Variants in PCDHGB7 observed in about 807,000 individuals in gnomAD.
PCDHGB7 encodes the protein protocadherin gamma subfamily B, 7.
In PCDHGB7, 37 loss-of-function variants were observed where a neutral mutation model predicts 61.4. The ratio of observed to expected loss-of-function variants is 0.60; its 90% CI spans 0.46 to 0.79. The LOEUF (loss-of-function observed/expected upper bound fraction) is 0.79, where lower values mean the gene tolerates loss of function less well. Among genes scored for constraint, PCDHGB7 ranks in the 30% least tolerant of loss-of-function variants. PCDHGB7 has a pLI of 0.00. For missense variants in PCDHGB7, 1,166 were observed against 1,202.5 expected, an observed-to-expected ratio of 0.97 and a Z score of 0.45; for synonymous variants, 464 against 503.5, an observed-to-expected ratio of 0.92 and a Z score of 1.05.
chr5:141,473,930 G>T (rs966856411), intron 1 of PCDHGB7, among the ~76,000 whole-genome samples: 3 of 152,156 alleles, frequency 2.0e-5, no homozygotes, highest in Admixed American at 6.5e-5. Flanking sequence ...TGAGCTGGGT[G>T]CAGTAGCTCA....
intron 1 of PCDHGB7, among the ~76,000 whole-genome samples, chr5:141,435,445 C>T (rs190910353): frequency 3.9e-5 from 6 of 152,224 alleles, no homozygotes; most frequent in Middle Eastern, 3.4e-3. Flanking sequence ...TTCATTAATA[C>T]GATATCTGTA....
chr5:141,420,255 A>G lies in PCDHGB7; in HGVS notation c.2396A>G (p.Asp799Gly), dbSNP rs917458059. The G allele has an allele frequency of 7.6e-6, 12 of 1,569,630 alleles. No homozygotes were observed. Among genetic ancestry groups the G allele is most frequent in the African/African-American group, 1.4e-5 (1 of 73,152 alleles). ...ATTTTAACTCCCAGCGTTGAAGCAG[A>G]TAAGAAGATTCTTAAACAGGTAAGT... is the stretch of plus-strand genomic sequence containing the variant. ...ASILTPSVEA[D>G]KKILKQQAPP... The change falls in exon 1 of 4, where the codon GAT becomes GGT. Residue 799 changes from aspartate (D) to glycine (G), a missense_variant. Physicochemically the swap from Asp to Gly is moderately conservative, Grantham distance 94. Coordinates refer to ENST00000398594, the MANE Select transcript of PCDHGB7 (RefSeq NM_018927.4).
In PCDHGB7 at chr5:141,487,917, CTACAGTGCACAGGG is replaced by C; in HGVS notation, c.2416-6879_2416-6866del. On this transcript the variant is annotated intron_variant, in intron 1 of 3. Coordinates refer to ENST00000398594, the MANE Select transcript of PCDHGB7 (RefSeq NM_018927.4). The surrounding 1 kb of genome is among the most constrained non-coding windows in gnomAD (Gnocchi z 5.0). ...TGATGGAATGTGGGAGCACAGGAGG[CTACAGTGCACAGGG>C]TACAGTGCACCAGGCAGTCACTTGG... 1 of 647,994 alleles carries C rather than the reference CTACAGTGCACAGGG, an allele frequency of 1.5e-6. No homozygotes were observed. The highest frequency in any genetic ancestry group is 2.7e-6 in the Non-Finnish European group (1 of 377,182). 40.1% of individuals were successfully genotyped at this position (647,994 alleles called of 1,614,324 possible).
chr5:141,450,104 T>A (rs1041853602), intron 1 of PCDHGB7, among the ~76,000 whole-genome samples: 1 of 150,664 alleles, frequency 6.6e-6, no homozygotes, highest in African/African-American at 2.5e-5. Flanking sequence ...CCTCCCAGGT[T>A]CAAATGATTC....
At chr5:141,497,212 G>T (rs968445663) in intron 2 of PCDHGB7, among the ~76,000 whole-genome samples, 3 of 150,900 alleles carry the variant, frequency 2.0e-5, no homozygotes, top group Non-Finnish European at 3.0e-5. Context: ...AGTGTAATGG[G>T]GGGGGGAAGA....
rs200064261 is a variant in PCDHGB7, at chr5:141,487,515, G to A, written c.2416-7292G>A. 3.7e-5 allele frequency: 59 copies of A among 1,614,018 alleles called. No homozygotes were observed. The highest frequency in any genetic ancestry group is 8.8e-5 in the South Asian group (8 of 91,086). On this transcript the variant is annotated intron_variant, in intron 1 of 3. Coordinates refer to ENST00000398594, the MANE Select transcript of PCDHGB7 (RefSeq NM_018927.4). The surrounding 1 kb of genome is among the most constrained non-coding windows in gnomAD (Gnocchi z 5.0). Reference sequence around the variant, plus strand: ...ACACCCTTGGCTTCTGCACCCACTCGGAGTGATAGCTTCATGATGGTGAAG... The same window carrying A: ...ACACCCTTGGCTTCTGCACCCACTCAGAGTGATAGCTTCATGATGGTGAAG...
chr5:141,434,547 A>G (rs1277148299), intron 1 of PCDHGB7, among the ~76,000 whole-genome samples: 1 of 152,232 alleles, frequency 6.6e-6, no homozygotes, highest in East Asian at 1.9e-4. Context: ...AGCATGAGTG[A>G]TCTGTGCCTT....
intron 1 of PCDHGB7, chr5:141,478,551 G>A (rs759604162): frequency 6.2e-6 from 10 of 1,603,054 alleles, no homozygotes; most frequent in South Asian, 3.3e-5. Context: ...GGACAGGTAA[G>A]GTTTAGCAAG....
intron 1 of PCDHGB7, among the ~76,000 whole-genome samples, chr5:141,436,677 G>T (rs966497986): frequency 2.2e-4 from 33 of 152,278 alleles, no homozygotes; most frequent in Non-Finnish European, 2.9e-5. Flanking sequence ...CCAAAAAAAG[G>T]ATTTATATTT....
chr5:141,423,348 C>G, intron 1 of PCDHGB7: 1 of 1,614,222 alleles, frequency 6.2e-7, no homozygotes. Flanking sequence ...TCTTCCTGGT[C>G]TTTGTCATCG....
chr5:141,476,238 G>C lies in PCDHGB7; in HGVS notation c.2416-18569G>C, dbSNP rs764976894. ...ATTCACTATGAGATCCCGGAGGAAA[G>C]AGAGAAGGGTTTCGCTGTGGGCAAC... On this transcript the variant is annotated intron_variant, in intron 1 of 3. Coordinates refer to ENST00000398594, the MANE Select transcript of PCDHGB7 (RefSeq NM_018927.4). The surrounding 1 kb of genome is among the most constrained non-coding windows in gnomAD (Gnocchi z 7.6). 1 of 1,614,098 alleles carries C rather than the reference G, an allele frequency of 6.2e-7. No individual in the cohort carries two copies.
chr5:141,417,712 C>T lies in PCDHGB7; in HGVS notation c.-148C>T. ...AAAACCAGCTCCCACACAGAGGCTC[C>T]CGGCTGCGCAGACCTTGCCCAGCAC... On this transcript the variant is annotated 5_prime_UTR_variant, in exon 1 of 4. Transcript: ENST00000398594. The T allele has an allele frequency of 7.9e-7, 1 of 1,270,436 alleles. No individual in the cohort carries two copies. The highest frequency in any genetic ancestry group is 1.1e-6 in the Non-Finnish European group (1 of 950,414). The allele number at this position is 1,270,436 out of a possible 1,614,324, so 78.7% of individuals were successfully genotyped here. A position where few individuals can be genotyped will look rare whatever the true frequency, so the allele number is the denominator to read the frequency against.
rs938964469 is a variant in PCDHGB7 at position 141,485,439 on chromosome 5, C to T, written c.2416-9368C>T. On this transcript the variant is annotated intron_variant, in intron 1 of 3. Transcript: ENST00000398594. This position sits in a 1 kb window ranked among gnomAD's most constrained non-coding sequence, Gnocchi z 5.7. The stretch of plus-strand genomic sequence containing the variant: ...AGCGGAGCCCTGCTCATCAAGAACC[C>T]AATCGACCGAGAGGCACTGTGTGGG... The T allele has an allele frequency of 1.1e-5, 18 of 1,614,182 alleles. No homozygotes were observed. Among genetic ancestry groups the T allele is most frequent in the Non-Finnish European group, 1.5e-5 (18 of 1,180,036 alleles).
At chr5:141,422,950 G>A (rs1388735971) in intron 1 of PCDHGB7, 2 of 1,614,230 alleles carry the variant, frequency 1.2e-6, no homozygotes, top group South Asian at 1.1e-5. Flanking sequence ...CGGCTCCACT[G>A]GCGTGGAGCT....
chr5:141,437,377 A>G (rs1021305426), intron 1 of PCDHGB7, among the ~76,000 whole-genome samples: 3 of 152,246 alleles, frequency 2.0e-5, no homozygotes, highest in Non-Finnish European at 2.9e-5. Flanking sequence ...AATCAGTCAG[A>G]AGACATTCAT....
chr5:141,471,893 T>G (rs1289667371), intron 1 of PCDHGB7, among the ~76,000 whole-genome samples: 1 of 152,166 alleles, frequency 6.6e-6, no homozygotes, highest in African/African-American at 2.4e-5. Flanking sequence ...CTAGGAAGAT[T>G]GACTACAGAC....
chr5:141,422,594 C>G, intron 1 of PCDHGB7: 1 of 1,614,090 alleles, frequency 6.2e-7, no homozygotes, highest in Non-Finnish European at 8.5e-7. Flanking sequence ...TTTCCTCACT[C>G]CTCTTACTCT....
Position 141,487,256 on chromosome 5 carries a change from G to T in PCDHGB7, c.2416-7551G>T. On this transcript the variant is annotated intron_variant, in intron 1 of 3. Coordinates refer to ENST00000398594, the MANE Select transcript of PCDHGB7 (RefSeq NM_018927.4). This position sits in a 1 kb window ranked among gnomAD's most constrained non-coding sequence, Gnocchi z 5.0. Reference sequence around the variant, plus strand: ...ATCTCGTCTAACCCTCTACTTGGCTGTGTCCCTAGTGGCAATTTGCTTTGT... The same window carrying T: ...ATCTCGTCTAACCCTCTACTTGGCTTTGTCCCTAGTGGCAATTTGCTTTGT... The T allele has an allele frequency of 2.5e-6, 4 of 1,614,166 alleles. No homozygotes were observed. Among genetic ancestry groups the T allele is most frequent in the Non-Finnish European group, 2.5e-6 (3 of 1,180,032 alleles).
In PCDHGB7 at chr5:141,485,849, G is replaced by A. The variant is rs777288674; in HGVS notation, c.2416-8958G>A. ...AGGGAACCCGCCGAGATCTGGCACC[G>A]CAGAGCTCCGGGTATCCGTGCTGGA... On this transcript the variant is annotated intron_variant, in intron 1 of 3. Transcript: ENST00000398594. The surrounding 1 kb of genome is among the most constrained non-coding windows in gnomAD (Gnocchi z 5.7). 3 of 1,614,130 alleles carry A rather than the reference G, an allele frequency of 1.9e-6. No individual in the cohort carries two copies. In the South Asian group the frequency reaches 3.3e-5, roughly 18 times the overall value.
Sources: allele counts gnomAD v4.1 joint callset (sites outside exome capture counted in the v4.1 genomes callset), GRCh38; gene constraint gnomAD v4.1.1; non-coding constraint Gnocchi (gnomAD v3.1); transcripts MANE v1.5; gene names NCBI Gene and HGNC (gene_info 2026-07-23, HGNC 2026-07-21).